PCDHGA8: variants seen among roughly 807,000 people sequenced by gnomAD.
PCDHGA8 encodes the protein protocadherin gamma subfamily A, 8, also known as protocadherin gamma-A8.
Under a neutral mutation model 59.2 loss-of-function variants are expected in PCDHGA8, and 45 were observed. The observed-to-expected ratio is 0.76, with a 90% CI of 0.60 to 0.98. The LOEUF (loss-of-function observed/expected upper bound fraction) is 0.98, where lower values mean the gene tolerates loss of function less well. PCDHGA8 is among the 50% of genes least tolerant of loss of function. The probability of loss-of-function intolerance (pLI) is 0.00; values close to 1 mark genes in which losing one functional copy is unlikely to be tolerated. For synonymous variants in PCDHGA8, 531 were observed against 519.0 expected (o/e 1.02, Z -0.32); for missense variants, 1,257 against 1,196.2 (o/e 1.05, Z -0.75).
chr5:141,407,977 G>A (rs943554200), intron 1 of PCDHGA8: 7 of 747,538 alleles, frequency 9.4e-6, no homozygotes, highest in African/African-American at 8.8e-5. Context: ...TGACGCCGGG[G>A]ATCCGTCAGC....
chr5:141,450,104 T>A (rs1041853602), intron 1 of PCDHGA8, among the ~76,000 whole-genome samples: 1 of 150,664 alleles, frequency 6.6e-6, no homozygotes, highest in African/African-American at 2.5e-5. Flanking sequence ...CCTCCCAGGT[T>A]CAAATGATTC....
chr5:141,425,242 G>A (rs2096863400), intron 1 of PCDHGA8, among the ~76,000 whole-genome samples: 1 of 152,128 alleles, frequency 6.6e-6, no homozygotes, highest in South Asian at 2.1e-4. Context: ...TAAATAAAAA[G>A]GATATGAGGT....
intron 1 of PCDHGA8, chr5:141,410,118 G>C: frequency 1.2e-6 from 2 of 1,612,422 alleles, no homozygotes; most frequent in African/African-American, 2.7e-5. Flanking sequence ...GACGCAGCCC[G>C]CCAGCGCCTG....
intron 1 of PCDHGA8, among the ~76,000 whole-genome samples, chr5:141,425,133 A>T (rs1311425564): frequency 6.6e-6 from 1 of 152,200 alleles, no homozygotes; most frequent in Non-Finnish European, 1.5e-5. Flanking sequence ...GTCAAGAAAA[A>T]TGTTCAGGTA....
chr5:141,417,599 C>G (rs1036283292), intron 1 of PCDHGA8: 4 of 500,492 alleles, frequency 8.0e-6, no homozygotes, highest in African/African-American at 7.8e-5. Flanking sequence ...CTCTGGGCGC[C>G]GCCGTCGGCC....
At chr5:141,484,501 A>G (rs1185523120) in intron 1 of PCDHGA8, among the ~76,000 whole-genome samples, 2 of 152,232 alleles carry the variant, frequency 1.3e-5, no homozygotes, top group African/African-American at 4.8e-5. Flanking sequence ...GTTTCTGAAT[A>G]TTCTGCAGAA....
At chr5:141,488,519 G>C (rs1210943979) in intron 1 of PCDHGA8, among the ~76,000 whole-genome samples, 1 of 152,184 alleles carries the variant, frequency 6.6e-6, no homozygotes, top group Non-Finnish European at 1.5e-5. Flanking sequence ...GGGGTCTGGG[G>C]TGTCAGAAAA....
chr5:141,421,869 A>G lies in PCDHGA8; in HGVS notation c.2424+26632A>G, dbSNP rs200015978. 1.5e-5 allele frequency: 24 copies of G among 1,613,732 alleles called. No individual in the cohort carries two copies. The African/African-American group carries it at 3.1e-4, about 21-fold the overall frequency. ...AGGCTGCTCACCTGCTCCTCCTCAC[A>G]GCTTTAGATGGAGGCGATCCCATCC... On this transcript the variant is annotated intron_variant, in intron 1 of 3. Transcript: ENST00000398604.
In PCDHGA8 at chr5:141,394,371, T is replaced by C. The variant is rs753598001; in HGVS notation, c.1558T>C (p.Phe520Leu). The C allele has an allele frequency of 3.1e-6, 5 of 1,614,056 alleles. No homozygotes were observed. Among genetic ancestry groups the C allele is most frequent in the Non-Finnish European group, 4.2e-6 (5 of 1,180,034 alleles). ...DTGVLYALQS[F>L]DYEQIRDLQL... ...CGGTGTCCTGTATGCGCTGCAATCT[T>C]TCGACTATGAGCAGATCCGAGACCT... is the stretch of plus-strand genomic sequence containing the variant. The change falls in exon 1 of 4, where the codon TTC becomes CTC. Residue 520 changes from phenylalanine (F) to leucine (L), a missense_variant. By Grantham distance (22) the Phe-to-Leu change is conservative. Coordinates refer to ENST00000398604, the MANE Select transcript of PCDHGA8 (RefSeq NM_032088.2).
intron 1 of PCDHGA8, chr5:141,399,330 A>G: frequency 6.2e-7 from 1 of 1,613,994 alleles, no homozygotes; most frequent in South Asian, 1.1e-5. Flanking sequence ...ATAAGTTGGT[A>G]ACAGATGGAA....
intron 2 of PCDHGA8, among the ~76,000 whole-genome samples, chr5:141,504,141 T>C (rs1289360763): frequency 6.6e-6 from 1 of 152,192 alleles, no homozygotes; most frequent in East Asian, 1.9e-4. Flanking sequence ...AACACTCCCC[T>C]GCAAATTGAA....
rs2099643895 is a variant in PCDHGA8 at position 141,487,385 on chromosome 5, C to T, written c.2425-7422C>T. 1.9e-6 allele frequency: 3 copies of T among 1,614,160 alleles called. No homozygotes were observed. The highest frequency in any genetic ancestry group is 1.1e-5 in the South Asian group (1 of 91,086). On this transcript the variant is annotated intron_variant, in intron 1 of 3. Transcript: ENST00000398604. This position sits in a 1 kb window ranked among gnomAD's most constrained non-coding sequence, Gnocchi z 5.0. Reference sequence around the variant, plus strand: ...CACCTGTGCCTGTCTCACCAGATCTCGAAGGAGGGAGGGGCTTCCCCCTTC... The same window carrying T: ...CACCTGTGCCTGTCTCACCAGATCTTGAAGGAGGGAGGGGCTTCCCCCTTC...
chr5:141,462,393 C>A (rs1465154354), intron 1 of PCDHGA8, among the ~76,000 whole-genome samples: 4 of 152,062 alleles, frequency 2.6e-5, no homozygotes, highest in African/African-American at 9.7e-5. Flanking sequence ...GTTAACATTT[C>A]TTTTATGGCA....
intron 1 of PCDHGA8, among the ~76,000 whole-genome samples, chr5:141,437,919 G>A (rs2097917914): frequency 1.3e-5 from 2 of 152,078 alleles, no homozygotes; most frequent in Admixed American, 1.3e-4. Context: ...TGTATTTTTA[G>A]TAGAGATGGG....
intron 1 of PCDHGA8, chr5:141,427,356 G>A (rs1295421809): frequency 8.7e-6 from 4 of 457,618 alleles, no homozygotes; most frequent in Non-Finnish European, 1.8e-5. Context: ...AACTGAGGAC[G>A]CAGAACCCTG....
At chr5:141,419,096 G>T in intron 1 of PCDHGA8, 9 of 1,613,918 alleles carry the variant, frequency 5.6e-6, no homozygotes, top group Non-Finnish European at 7.6e-6. Context: ...CCTGGATCGG[G>T]AGCAGACCCC....
At chr5:141,502,019 G>A (rs1454981730) in intron 2 of PCDHGA8, among the ~76,000 whole-genome samples, 1 of 152,008 alleles carries the variant, frequency 6.6e-6, no homozygotes, top group African/African-American at 2.4e-5. Flanking sequence ...TCTCCTCCCT[G>A]CAACCCCCGC....
chr5:141,509,811 C>T (rs1321920000), intron 3 of PCDHGA8, among the ~76,000 whole-genome samples: 1 of 152,168 alleles, frequency 6.6e-6, no homozygotes, highest in African/African-American at 2.4e-5. Flanking sequence ...TAGAGCCGAG[C>T]TCTTCTCCAT....
intron 1 of PCDHGA8, among the ~76,000 whole-genome samples, chr5:141,438,596 A>G (rs1303292978): frequency 2.8e-5 from 1 of 35,176 alleles, no homozygotes; most frequent in Non-Finnish European, 6.2e-5. Context: ...ACATACATAT[A>G]TATATATATA....
Sources: gnomAD v4.1 joint callset for allele counts (sites outside exome capture counted in the v4.1 genomes callset) on GRCh38, gnomAD v4.1.1 for gene constraint, Gnocchi (gnomAD v3.1) non-coding constraint, MANE v1.5 for transcripts, NCBI Gene and HGNC (gene_info 2026-07-23, HGNC 2026-07-21) for gene names.